The following ANKRD30B variants were observed in gnomAD, a reference collection of about 807,000 sequenced individuals.
ANKRD30B encodes ankyrin repeat domain 30B.
ANKRD30B carries 144 observed loss-of-function variants against 202.2 expected under a neutral mutation model. That is an observed-to-expected ratio of 0.71 (90% CI 0.62 to 0.82). ANKRD30B has a LOEUF of 0.82. Among genes scored for constraint, ANKRD30B ranks in the 40% least tolerant of loss-of-function variants. The pLI, the probability that ANKRD30B is intolerant of heterozygous loss-of-function variation, is 0.00. For synonymous variants in ANKRD30B, 508 were observed against 561.3 expected, an observed-to-expected ratio of 0.91 and a Z score of 1.34; for missense variants, 1,487 against 1,669.1, an observed-to-expected ratio of 0.89 and a Z score of 1.90.
At position 14,851,528 on chromosome 18, in the gene ANKRD30B, G is replaced by A. The variant is rs1598723798; in HGVS notation, c.3584G>A (p.Ser1195Asn). The A allele has an allele frequency of 6.5e-7, 1 of 1,544,090 alleles. No individual in the cohort carries two copies. The highest frequency in any genetic ancestry group is 2.2e-5 in the Admixed American group (1 of 45,370). The change falls in exon 42 of 44, where the codon AGT (serine) becomes AAT (asparagine). Residue 1195 changes from serine (S) to asparagine (N), a missense_variant. Physicochemically the swap from Ser to Asn is conservative, Grantham distance 46. Around this residue, in one of 6 missense-constraint regions of ANKRD30B, gnomAD observed 177 missense variants for 216.4 expected, o/e 0.82. Transcript: ENST00000690538. The stretch of plus-strand genomic sequence containing the variant: ...ATTTAGGTTTCTCACACTCATGAAA[G>A]TGAAAATGATCTCTTTCATGAAAAT... ...NLNQVSHTHE[S>N]ENDLFHENCM...
chr18:14,846,062 TTTC>T (rs1316341827), intron 39 of ANKRD30B, among the ~76,000 whole-genome samples: 4 of 46,218 alleles, frequency 8.7e-5, no homozygotes, highest in African/African-American at 1.9e-4. Flanking sequence ...TTGGATTTAC[TTTC>T]TTATTTTTTT....
At chr18:14,893,627 A>G in the ANKRD30B span, among the ~76,000 whole-genome samples, 5 of 151,964 alleles carry the variant, frequency 3.3e-5, no homozygotes, top group African/African-American at 4.8e-5. Flanking sequence ...AAAAAAAAAA[A>G]GTATTAACTA....
the ANKRD30B span, among the ~76,000 whole-genome samples, chr18:14,935,243 G>A: frequency 6.6e-6 from 1 of 152,210 alleles, no homozygotes; most frequent in South Asian, 2.1e-4. Flanking sequence ...GAGCAGCCAT[G>A]GCTTCCTGTG....
chr18:14,895,020 A>G, the ANKRD30B span, among the ~76,000 whole-genome samples: 1 of 152,072 alleles, frequency 6.6e-6, no homozygotes, highest in East Asian at 1.9e-4. Context: ...CCATTATCCT[A>G]AGCAAATTAA....
At chr18:14,848,677 G>A (rs763591398) in intron 39 of ANKRD30B, 39 bp from the exon 40 acceptor site, 26 of 1,390,580 alleles carry the variant, frequency 1.9e-5, no homozygotes, top group Non-Finnish European at 2.3e-5. Flanking sequence ...TATCCCAAAA[G>A]TACTAATATA....
chr18:14,797,574 T>C, intron 18 of ANKRD30B, 87 bp from the exon 19 acceptor site: 2 of 1,399,872 alleles, frequency 1.4e-6, no homozygotes, highest in Non-Finnish European at 2.0e-6. Context: ...AGCATGAGGA[T>C]TCATCTTCAT....
At chr18:14,900,630 G>T in the ANKRD30B span, among the ~76,000 whole-genome samples, 1 of 151,994 alleles carries the variant, frequency 6.6e-6, no homozygotes, top group Non-Finnish European at 1.5e-5. Flanking sequence ...AGAATTTTTA[G>T]CTGACTGCAC....
chr18:14,777,324 A>T (rs1358241419), intron 9 of ANKRD30B, among the ~76,000 whole-genome samples: 6 of 151,814 alleles, frequency 4.0e-5, no homozygotes, highest in Non-Finnish European at 5.9e-5. Context: ...TTTGAGACAG[A>T]GTCTTGCTCC....
At chr18:14,916,326 G>A in the ANKRD30B span, among the ~76,000 whole-genome samples, 576 of 152,210 alleles carry the variant, frequency 3.8e-3, 13 homozygotes, top group Admixed American at 0.027. Context: ...ATGGCCACAG[G>A]TTATGTTTTG....
chr18:14,860,951 T>C, the ANKRD30B span, among the ~76,000 whole-genome samples: 1 of 151,418 alleles, frequency 6.6e-6, no homozygotes, highest in Non-Finnish European at 1.5e-5. Flanking sequence ...TCTGCCTGCC[T>C]TGGCCTCCCA....
chr18:14,917,507 C>T, the ANKRD30B span, among the ~76,000 whole-genome samples: 3 of 152,220 alleles, frequency 2.0e-5, no homozygotes, highest in African/African-American at 7.2e-5. Flanking sequence ...TCACCCTGGA[C>T]ACCAGCCATT....
At chr18:14,936,406 T>C in the ANKRD30B span, among the ~76,000 whole-genome samples, 2 of 151,944 alleles carry the variant, frequency 1.3e-5, no homozygotes, top group East Asian at 3.9e-4. Context: ...CCTTCCTTCC[T>C]CCCTCCCTCC....
At chr18:14,904,172 A>G in the ANKRD30B span, among the ~76,000 whole-genome samples, 3 of 152,180 alleles carry the variant, frequency 2.0e-5, no homozygotes, top group Non-Finnish European at 4.4e-5. Context: ...TTCTCTTCCC[A>G]TGATCTGGCC....
intron 20 of ANKRD30B, among the ~76,000 whole-genome samples, 158 bp downstream of exon 20, chr18:14,798,012 T>A (rs1374087587): frequency 6.6e-6 from 1 of 152,176 alleles, no homozygotes; most frequent in Non-Finnish European, 1.5e-5. Flanking sequence ...TGAGAAAATG[T>A]CATTTAGAAG....
At chr18:14,849,898 T>A (rs1029051080) in intron 40 of ANKRD30B, among the ~76,000 whole-genome samples, 1 of 151,608 alleles carries the variant, frequency 6.6e-6, no homozygotes, top group African/African-American at 2.4e-5. Flanking sequence ...TTTGACTGTG[T>A]GATATTTTTA....
At chr18:14,815,611 A>G (rs892209830) in intron 30 of ANKRD30B, among the ~76,000 whole-genome samples, 15 of 152,186 alleles carry the variant, frequency 9.9e-5, no homozygotes, top group African/African-American at 3.4e-4. Context: ...AGAAAGCGTT[A>G]TGTTGCTCTT....
intron 16 of ANKRD30B, among the ~76,000 whole-genome samples, chr18:14,795,953 C>G (rs1252014155): frequency 1.3e-5 from 2 of 150,226 alleles, no homozygotes; most frequent in African/African-American, 4.9e-5. Flanking sequence ...TAGGATTTTT[C>G]TAATTTAGTT....
chr18:14,786,156 T>A (rs952744711), intron 14 of ANKRD30B, among the ~76,000 whole-genome samples: 1 of 152,330 alleles, frequency 6.6e-6, no homozygotes, highest in African/African-American at 2.4e-5. Flanking sequence ...GCACGTTTGC[T>A]TTTTTCTTTA....
chr18:14,837,098 T>TTTG (rs1018782356), intron 34 of ANKRD30B, 113 bp from the exon 35 acceptor site: 13 of 656,644 alleles, frequency 2.0e-5, no homozygotes, highest in Middle Eastern at 2.7e-4. Flanking sequence ...AAGTATGTTT[T>TTTG]TTGTTGTTGT....
Sources: allele counts gnomAD v4.1 joint callset (sites outside exome capture counted in the v4.1 genomes callset), GRCh38; gene constraint gnomAD v4.1.1; regional missense constraint gnomAD v4.1.1; transcripts MANE v1.5; gene names NCBI Gene and HGNC (gene_info 2026-07-23, HGNC 2026-07-21).